The following AKAP19 variants were observed in gnomAD, a reference collection of about 807,000 sequenced individuals.
AKAP19 encodes the protein A-kinase anchoring protein 19, also known as small A-kinase anchoring protein.
chr2:190,062,951 T>C, the AKAP19 span, among the ~76,000 whole-genome samples: 1 of 152,106 alleles, frequency 6.6e-6, no homozygotes, highest in East Asian at 1.9e-4. Flanking sequence ...AAGATATTTG[T>C]GACATTTGAA....
At chr2:189,930,747 GA>G in the AKAP19 span, 1 of 685,422 alleles carries the variant, frequency 1.5e-6, no homozygotes, top group Non-Finnish European at 2.7e-6. Flanking sequence ...CACACTCCCA[GA>G]TCTGTTTTAC....
At chr2:189,938,909 C>T in the AKAP19 span, among the ~76,000 whole-genome samples, 1 of 152,164 alleles carries the variant, frequency 6.6e-6, no homozygotes, top group East Asian at 1.9e-4. Context: ...TCCATATCTT[C>T]AGTGCCCTTC....
At chr2:190,039,013 TTCCTCTTCC>T in the AKAP19 span, among the ~76,000 whole-genome samples, 1 of 120,530 alleles carries the variant, frequency 8.3e-6, no homozygotes, top group Non-Finnish European at 1.7e-5. Flanking sequence ...CTTCTTCCTC[TTCCTCTTCC>T]TCTTCTTCCT....
At chr2:190,172,650 C>A in the AKAP19 span, among the ~76,000 whole-genome samples, 1 of 152,174 alleles carries the variant, frequency 6.6e-6, no homozygotes, top group African/African-American at 2.4e-5. Context: ...TCTGAGGACA[C>A]CTGAGATGTT....
At chr2:189,984,283 TG>T in the AKAP19 span, among the ~76,000 whole-genome samples, 2 of 152,016 alleles carry the variant, frequency 1.3e-5, no homozygotes, top group Non-Finnish European at 2.9e-5. Context: ...AGGTACACCC[TG>T]GGGGGGCCAG....
chr2:189,968,626 A>G, the AKAP19 span, among the ~76,000 whole-genome samples: 1 of 152,172 alleles, frequency 6.6e-6, no homozygotes, highest in Admixed American at 6.6e-5. Context: ...ACTACATACA[A>G]TAAGCACATC....
the AKAP19 span, among the ~76,000 whole-genome samples, chr2:190,178,742 A>G: frequency 6.6e-6 from 1 of 152,124 alleles, no homozygotes; most frequent in Non-Finnish European, 1.5e-5. This position sits in a 1 kb window ranked among gnomAD's most constrained non-coding sequence, Gnocchi z 6.3. Flanking sequence ...AGTGAAAGAA[A>G]TTTTCAAGTT....
At chr2:190,203,225 A>G in the AKAP19 span, 1 of 167,088 alleles carries the variant, frequency 6.0e-6, no homozygotes, top group Non-Finnish European at 1.5e-5. Context: ...TAATTTAAAA[A>G]CAAAGTTCTA....
the AKAP19 span, among the ~76,000 whole-genome samples, chr2:190,078,043 A>G: frequency 6.6e-6 from 1 of 152,094 alleles, no homozygotes; most frequent in Non-Finnish European, 1.5e-5. Flanking sequence ...CTATTCATTT[A>G]CAGCCTATTT....
the AKAP19 span, among the ~76,000 whole-genome samples, chr2:190,163,534 A>G: frequency 6.6e-6 from 1 of 152,152 alleles, no homozygotes; most frequent in African/African-American, 2.4e-5. Context: ...ACTTCCTAAA[A>G]TATTTATAAC....
chr2:190,125,289 C>T, the AKAP19 span, among the ~76,000 whole-genome samples: 15 of 151,070 alleles, frequency 9.9e-5, 1 homozygote, highest in East Asian at 2.9e-3. Flanking sequence ...CATATGGGAC[C>T]CTCATATACA....
At chr2:189,945,719 G>A in the AKAP19 span, among the ~76,000 whole-genome samples, 1 of 152,258 alleles carries the variant, frequency 6.6e-6, no homozygotes, top group South Asian at 2.1e-4. Context: ...TATTATCATT[G>A]TTTTAAGTAC....
chr2:189,988,438 C>A, the AKAP19 span, among the ~76,000 whole-genome samples: 1 of 152,298 alleles, frequency 6.6e-6, no homozygotes, highest in East Asian at 1.9e-4. Context: ...ACAGTTTAGC[C>A]TTTTGGAAAG....
the AKAP19 span, among the ~76,000 whole-genome samples, chr2:190,039,022 CTCTTCTTCCTCTTCTTCCTCT>C: frequency 1.2e-3 from 125 of 103,386 alleles, no homozygotes; most frequent in Non-Finnish European, 1.3e-3. Flanking sequence ...CTTCCTCTTC[CTCTTCTTCCTCTTCTTCCTCT>C]TCTTCCTCTT....
the AKAP19 span, chr2:190,200,045 C>T: frequency 6.2e-7 from 1 of 1,614,084 alleles, no homozygotes; most frequent in African/African-American, 1.3e-5. Flanking sequence ...TTGGAATATG[C>T]ACACCGCCTG....
the AKAP19 span, among the ~76,000 whole-genome samples, chr2:189,979,169 T>A: frequency 6.6e-6 from 1 of 152,050 alleles, no homozygotes; most frequent in Admixed American, 6.6e-5. Flanking sequence ...TCATATTACC[T>A]AACTTCAATC....
the AKAP19 span, among the ~76,000 whole-genome samples, chr2:189,993,125 C>G: frequency 6.6e-6 from 1 of 152,032 alleles, no homozygotes; most frequent in Admixed American, 6.6e-5. Flanking sequence ...TCAACTTTTC[C>G]CTGTTCAGTA....
chr2:189,950,106 C>T, the AKAP19 span, among the ~76,000 whole-genome samples: 1 of 145,782 alleles, frequency 6.9e-6, no homozygotes, highest in East Asian at 2.1e-4. Flanking sequence ...CAGCTCACTG[C>T]AACTTCCATC....
chr2:189,930,264 G>T, the AKAP19 span: 1 of 378,778 alleles, frequency 2.6e-6, no homozygotes, highest in South Asian at 5.9e-5. Flanking sequence ...AGACACCCTG[G>T]CTCAATAGTC....
Sources: gnomAD v4.1 joint callset for allele counts (sites outside exome capture counted in the v4.1 genomes callset) on GRCh38, gnomAD v4.1.1 for gene constraint, Gnocchi (gnomAD v3.1) non-coding constraint, MANE v1.5 for transcripts, NCBI Gene and HGNC (gene_info 2026-07-23, HGNC 2026-07-21) for gene names.